The following ATP8A2 variants were observed in gnomAD, a reference collection of about 807,000 sequenced individuals.
ATP8A2 encodes ATPase phospholipid transporting 8A2.
ATP8A2 carries 100 observed loss-of-function variants against 165.6 expected under a neutral mutation model. The ratio of observed to expected loss-of-function variants is 0.60; its 90% CI spans 0.51 to 0.71. ATP8A2 has a LOEUF of 0.71. Among genes scored for constraint, ATP8A2 ranks in the 30% least tolerant of loss-of-function variants. ATP8A2 has a pLI of 0.00. For missense variants in ATP8A2, 1,227 were observed against 1,479.5 expected, an observed-to-expected ratio of 0.83 and a Z score of 2.80; for synonymous variants, 543 against 548.8, an observed-to-expected ratio of 0.99 and a Z score of 0.15.
chr13:25,612,479 T>G (rs1030206755), intron 24 of ATP8A2, among the ~76,000 whole-genome samples: 5 of 152,200 alleles, frequency 3.3e-5, no homozygotes, highest in African/African-American at 1.2e-4. Context: ...CCCATTTTAT[T>G]CCAGTGTGGC....
At chr13:25,540,505 C>A in intron 8 of ATP8A2, 117 bp downstream of exon 8, 2 of 734,832 alleles carry the variant, frequency 2.7e-6, no homozygotes, top group African/African-American at 1.8e-5. Context: ...TGCCTTAGCC[C>A]TAATGGAATC....
chr13:25,589,907 A>G (rs1416711426), intron 24 of ATP8A2, among the ~76,000 whole-genome samples: 2 of 152,362 alleles, frequency 1.3e-5, no homozygotes, highest in Non-Finnish European at 2.9e-5. Flanking sequence ...ATATTGCCTC[A>G]TGATAATACT....
intron 2 of ATP8A2, among the ~76,000 whole-genome samples, chr13:25,527,315 T>A (rs1235924372): frequency 6.6e-6 from 1 of 152,196 alleles, no homozygotes; most frequent in Non-Finnish European, 1.5e-5. Flanking sequence ...CCAGTAGCAT[T>A]GAACTCACCT....
intron 35 of ATP8A2, among the ~76,000 whole-genome samples, chr13:25,975,943 C>CATAAAAA: frequency 6.6e-6 from 1 of 152,262 alleles, no homozygotes; most frequent in Middle Eastern, 3.4e-3. Context: ...TCAAACAACC[C>CATAAAAA]GTCCATAAAA....
chr13:25,951,963 A>G (rs2139148161), intron 33 of ATP8A2, among the ~76,000 whole-genome samples: 1 of 152,312 alleles, frequency 6.6e-6, no homozygotes, highest in East Asian at 1.9e-4. Flanking sequence ...TTGTGCTAGA[A>G]GCTGTGGGTT....
chr13:25,651,366 T>C (rs1593138040), intron 24 of ATP8A2, among the ~76,000 whole-genome samples: 1 of 151,612 alleles, frequency 6.6e-6, no homozygotes, highest in Non-Finnish European at 1.5e-5. Context: ...TCACTTGAAC[T>C]CGGGAGGCAG....
At chr13:25,386,477 G>A (rs2033048891) in intron 1 of ATP8A2, among the ~76,000 whole-genome samples, 1 of 152,218 alleles carries the variant, frequency 6.6e-6, no homozygotes, top group Admixed American at 6.5e-5. Context: ...CCATGTGGTA[G>A]TCTGAAGATT....
chr13:25,631,881 G>C (rs57578428), intron 24 of ATP8A2, among the ~76,000 whole-genome samples: 5,242 of 147,954 alleles, frequency 0.035, 155 homozygotes, highest in East Asian at 0.14. Context: ...TCCCAACATA[G>C]CAAACCAAGC....
At position 26,022,531 on chromosome 13, in the gene ATP8A2, A is replaced by G. The variant is rs540583620; in HGVS notation, c.*2546A>G. Reference sequence around the variant, plus strand: ...GTGATGACAGACGCACACAGAAGAAAACATTAGAAGAGATGCCTTTCTATC... The same window carrying G: ...GTGATGACAGACGCACACAGAAGAAGACATTAGAAGAGATGCCTTTCTATC... On this transcript the variant is annotated 3_prime_UTR_variant, in exon 37 of 37. Coordinates refer to ENST00000381655, the MANE Select transcript of ATP8A2 (RefSeq NM_016529.6). 8 of 152,232 alleles carry G rather than the reference A, an allele frequency of 5.3e-5. No individual in the cohort carries two copies. The highest frequency in any genetic ancestry group is 1.2e-4 in the Non-Finnish European group (8 of 68,038). 9.4% of individuals were successfully genotyped at this position (152,232 alleles called of 1,614,324 possible). A position where few individuals can be genotyped will look rare whatever the true frequency, so the allele number is the denominator to read the frequency against.
intron 25 of ATP8A2, among the ~76,000 whole-genome samples, chr13:25,715,014 A>G (rs181168433): frequency 1.3e-5 from 2 of 152,330 alleles, no homozygotes; most frequent in Admixed American, 1.3e-4. Flanking sequence ...TAAATGCTTC[A>G]TTTGAAAGTT....
chr13:25,824,685 T>G (rs894168099), intron 27 of ATP8A2, among the ~76,000 whole-genome samples: 1 of 152,196 alleles, frequency 6.6e-6, no homozygotes, highest in Non-Finnish European at 1.5e-5. Flanking sequence ...CTGTGTGTTA[T>G]AGGTTTCTCT....
chr13:25,819,218 A>G (rs75382767), intron 27 of ATP8A2, among the ~76,000 whole-genome samples: 2,002 of 152,160 alleles, frequency 0.013, 46 homozygotes, highest in African/African-American at 0.046. Flanking sequence ...AAAAGTCCTT[A>G]GAAGTGTTAT....
chr13:25,741,893 C>T (rs183848422), intron 25 of ATP8A2, among the ~76,000 whole-genome samples: 209 of 152,320 alleles, frequency 1.4e-3, no homozygotes, highest in Non-Finnish European at 2.2e-3. Flanking sequence ...TGCCTGAGGG[C>T]AGGTGCCACT....
At chr13:25,564,149 A>G (rs1289348644) in intron 16 of ATP8A2, 118 bp downstream of exon 16, 7 of 723,150 alleles carry the variant, frequency 9.7e-6, no homozygotes, top group Non-Finnish European at 1.5e-5. Context: ...TCTCGACTTG[A>G]TGATGTGAGT....
Position 25,734,919 on chromosome 13 carries a change from G to A in ATP8A2, c.2385-34127G>A, listed in dbSNP as rs11617367. Among the ~76,000 whole-genome samples, 8 of 151,984 alleles carry A rather than the reference G, an allele frequency of 5.3e-5. No homozygotes were observed. The South Asian group carries it at 1.0e-3, about 20-fold the overall frequency. ...CTCCCAAAGTGCTGGGATTACAGGC[G>A]TGAGCTACCATGCCTGGCCGTGATA... On this transcript the variant is annotated intron_variant, in intron 25 of 36. Coordinates refer to ENST00000381655, the MANE Select transcript of ATP8A2 (RefSeq NM_016529.6).
rs61948571 is a variant in ATP8A2 at position 25,482,268 on chromosome 13, C to G, written c.221+13147C>G. ...ACTTTAGGCCCCAGGAACTCTGAGA[C>G]TGATCATAAGTCTTGTTCCTTAAGT... On this transcript the variant is annotated intron_variant, in intron 2 of 36. Transcript: ENST00000381655. Among the ~76,000 whole-genome samples, 259 of 152,280 alleles carry G rather than the reference C, an allele frequency of 1.7e-3. 1 individual carries two copies. Among genetic ancestry groups the G allele is most frequent in the Non-Finnish European group, 3.0e-3 (205 of 68,028 alleles).
At chr13:25,924,884 C>T (rs1954556268) in intron 33 of ATP8A2, among the ~76,000 whole-genome samples, 1 of 152,176 alleles carries the variant, frequency 6.6e-6, no homozygotes, top group South Asian at 2.1e-4. Context: ...CACACACTCT[C>T]TTGACTGCTG....
intron 23 of ATP8A2, among the ~76,000 whole-genome samples, chr13:25,583,541 G>A (rs936396367): frequency 3.9e-5 from 6 of 152,094 alleles, no homozygotes; most frequent in Admixed American, 3.9e-4. Flanking sequence ...GGCTGGAAAA[G>A]CACCACAGCT....
intron 2 of ATP8A2, among the ~76,000 whole-genome samples, chr13:25,521,319 C>T (rs2137845019): frequency 6.6e-6 from 1 of 152,206 alleles, no homozygotes; most frequent in East Asian, 1.9e-4. Flanking sequence ...TATTTTCTCC[C>T]ATTCTCTGGG....
Sources: allele counts gnomAD v4.1 joint callset (sites outside exome capture counted in the v4.1 genomes callset), GRCh38; gene constraint gnomAD v4.1.1; transcripts MANE v1.5; gene names NCBI Gene and HGNC (gene_info 2026-07-23, HGNC 2026-07-21).